The following SYNE2 variants were observed in gnomAD, a reference collection of about 807,000 sequenced individuals.
SYNE2 encodes spectrin repeat containing nuclear envelope protein 2.
A neutral mutation model predicts 856.3 loss-of-function variants in SYNE2; 431 were observed. That is an observed-to-expected ratio of 0.50 (90% CI 0.47 to 0.55). SYNE2 has a LOEUF of 0.55. SYNE2 is among the 20% of genes least tolerant of loss of function. The pLI is 0.00. For synonymous variants in SYNE2, 2,923 were observed against 2,872.3 expected (o/e 1.02, Z -0.56); for missense variants, 8,129 against 8,023.2 (o/e 1.01, Z -0.50).
intron 2 of SYNE2, among the ~76,000 whole-genome samples, chr14:63,929,402 C>T (rs977270306): frequency 6.6e-6 from 1 of 152,096 alleles, no homozygotes; most frequent in African/African-American, 2.4e-5. Context: ...CATTGTAAAT[C>T]TAAAGAAGAA....
At chr14:64,055,822 A>G in intron 48 of SYNE2, 122 bp from the exon 49 acceptor site, 1 of 545,742 alleles carries the variant, frequency 1.8e-6, no homozygotes, top group Non-Finnish European at 3.0e-6. Flanking sequence ...TAAAACTTAA[A>G]GTATAATAAT....
At chr14:64,099,023 T>C (rs571527541) in intron 63 of SYNE2, 2 of 581,258 alleles carry the variant, frequency 3.4e-6, no homozygotes, top group East Asian at 3.2e-5. Flanking sequence ...GTGAGATGAA[T>C]GTAATTCAGA....
chr14:63,915,947 G>A (rs2095528747), intron 2 of SYNE2, among the ~76,000 whole-genome samples: 1 of 151,996 alleles, frequency 6.6e-6, no homozygotes, highest in Non-Finnish European at 1.5e-5. Flanking sequence ...GAGATGCAAT[G>A]TTTAATTTTA....
Position 64,016,485 on chromosome 14 carries a change from A to C in SYNE2, c.4741A>C (p.Lys1581Gln), listed in dbSNP as rs201113578. ...KKRIAEIEIV[K>Q]EEFNEHLEVV... ...ATCTTTTTTACAGATTGAAATTGTC[A>C]AAGAAGAATTTAATGAGCATTTAGA... is the stretch of plus-strand genomic sequence containing the variant. The change falls in exon 33 of 116, where the codon AAA (lysine) becomes CAA (glutamine). Residue 1581 changes from lysine (K) to glutamine (Q), a missense_variant. Physicochemically the swap from Lys to Gln is moderately conservative, Grantham distance 53 (BLOSUM62 1). Transcript: ENST00000555002. 5 of 1,588,384 alleles carry C rather than the reference A, an allele frequency of 3.1e-6. No homozygotes were observed. Among genetic ancestry groups the C allele is most frequent in the African/African-American group, 1.3e-5 (1 of 74,082 alleles).
intron 70 of SYNE2, among the ~76,000 whole-genome samples, chr14:64,122,862 G>A (rs977724646): frequency 6.6e-6 from 1 of 152,078 alleles, no homozygotes; most frequent in Non-Finnish European, 1.5e-5. Context: ...CAGCACTTTG[G>A]GAGGCTGAGG....
At chr14:64,093,326 T>C (rs779384999) in intron 60 of SYNE2, 23 bp from the exon 61 acceptor site, 2 of 1,613,206 alleles carry the variant, frequency 1.2e-6, no homozygotes, top group Non-Finnish European at 1.7e-6. Flanking sequence ...CAAAGATTCT[T>C]TTTTGTGGGG....
chr14:64,221,494 T>A (rs754592383), intron 111 of SYNE2, 82 bp from the exon 112 acceptor site: 1 of 1,613,770 alleles, frequency 6.2e-7, no homozygotes, highest in Non-Finnish European at 8.5e-7. Flanking sequence ...TGTGATGGAT[T>A]GGAAGCAGTA....
intron 1 of SYNE2, among the ~76,000 whole-genome samples, chr14:63,869,060 G>T (rs1209467943): frequency 6.6e-6 from 1 of 152,152 alleles, no homozygotes; most frequent in African/African-American, 2.4e-5. Context: ...TAGAACTTGA[G>T]AAATAAAATG....
chr14:64,178,917 AT>A (rs1417602607), intron 96 of SYNE2, among the ~76,000 whole-genome samples: 3 of 151,898 alleles, frequency 2.0e-5, no homozygotes, highest in African/African-American at 7.3e-5. Context: ...ACAGCAAAAA[AT>A]TTTTTTTAAT....
intron 60 of SYNE2, among the ~76,000 whole-genome samples, chr14:64,092,516 A>G (rs993787607): frequency 2.0e-5 from 3 of 152,232 alleles, no homozygotes; most frequent in Non-Finnish European, 4.4e-5. Context: ...CAGTGAACAT[A>G]GTTATTCATT....
rs1158323994 is a variant in SYNE2 at position 64,081,591 on chromosome 14, T to G, written c.11484+11T>G. ...GCTAGCACTGTGCAGGTAAGTGTTC[T>G]TCCAGGTTTTCTGCCACTCATAGCA... is the stretch of plus-strand genomic sequence containing the variant. On this transcript the variant is annotated intron_variant, in intron 57 of 115. Coordinates refer to ENST00000555002, the MANE Select transcript of SYNE2 (RefSeq NM_182914.3). The G allele has an allele frequency of 6.2e-7, 1 of 1,613,756 alleles. No individual in the cohort carries two copies. The highest frequency in any genetic ancestry group is 1.1e-5 in the South Asian group (1 of 91,068).
rs773784466 is a variant in SYNE2 at position 63,997,308 on chromosome 14, A to T, written c.3160A>T (p.Ile1054Phe). ...ATTTTGATTCCTTTCTAGGGGGACC[A>T]TCACCACATCTGAGAATAGAGGAGG... ...AGGTSKNEGT[I>F]TTSENRGGDP... Residue 1054 changes from isoleucine (I) to phenylalanine (F), a missense_variant, in exon 25 of 116, where the codon ATC becomes TTC. Transcript: ENST00000555002. 10 of 1,613,238 alleles carry T rather than the reference A, an allele frequency of 6.2e-6. No homozygotes were observed. In the African/African-American group the frequency reaches 1.1e-4, roughly 17 times the overall value.
In SYNE2 at chr14:64,146,120, T is replaced by A. The variant is rs372669597; in HGVS notation, c.15536T>A (p.Ile5179Lys). The A allele has an allele frequency of 1.4e-5, 23 of 1,605,356 alleles. No homozygotes were observed. The highest frequency in any genetic ancestry group is 2.2e-5 in the South Asian group (2 of 89,980). Residue 5179 changes from isoleucine to lysine, a missense_variant, in exon 84 of 116, where the codon ATA becomes AAA. Physicochemically the swap from Ile to Lys is moderately radical, Grantham distance 102. Transcript: ENST00000555002. ...LESITESENKIQILNNWLEAQ... is the reference protein window; with the variant it reads ...LESITESENKKQILNNWLEAQ... ...AGTATCACTGAGAGTGAAAATAAAA[T>A]ACAGATCTTGAACAACTGGCTGGAA...
In SYNE2 at chr14:63,949,862, A is replaced by G. The variant is rs761204935; in HGVS notation, c.446A>G (p.Asn149Ser). The change falls in exon 7 of 116, where the codon AAT becomes AGT. Residue 149 changes from asparagine to serine, a missense_variant. Around this residue, in one of 3 missense-constraint regions of SYNE2, gnomAD observed 2,422 missense variants for 2,357.4 expected, o/e 1.03. Coordinates refer to ENST00000555002, the MANE Select transcript of SYNE2 (RefSeq NM_182914.3). ...GCCCAGACTCTTTCTTGCAATTACA[A>G]TCAGCCTTCCCTGGATGATGTGAGT... ...KLAQTLSCNY[N>S]QPSLDDVSVV... The G allele has an allele frequency of 6.8e-6, 11 of 1,613,994 alleles. No individual in the cohort carries two copies. The highest frequency in any genetic ancestry group is 2.7e-5 in the African/African-American group (2 of 74,890).
Position 64,143,894 on chromosome 14 carries a change from C to G in SYNE2, c.15429C>G (p.His5143Gln). 1.2e-6 allele frequency: 2 copies of G among 1,614,130 alleles called. No homozygotes were observed. The highest frequency in any genetic ancestry group is 8.5e-7 in the Non-Finnish European group (1 of 1,180,028). ...KRYERTEFAEHLGEMNRQWHR... is the reference protein window; with the variant it reads ...KRYERTEFAEQLGEMNRQWHR... ...ATGAAAGAACGGAGTTTGCAGAGCA[C>G]CTGGGGGAGATGAACCGCCAGTGGC... Residue 5143 changes from histidine (H) to glutamine (Q), a missense_variant, in exon 83 of 116, where the codon CAC becomes CAG. This residue lies in a region of SYNE2 where 5,410 missense variants were observed against 5,284.8 expected (regional missense o/e 1.02). Transcript: ENST00000555002.
chr14:64,192,397 C>A (rs764040518), intron 99 of SYNE2, among the ~76,000 whole-genome samples: 1 of 151,986 alleles, frequency 6.6e-6, no homozygotes, highest in Non-Finnish European at 1.5e-5. Context: ...GAATGACAGT[C>A]CATTTTTAAT....
rs532834886 is a variant in SYNE2, at chr14:64,101,586, G to A, written c.12382-346G>A. On this transcript the variant is annotated intron_variant, in intron 63 of 115. Coordinates refer to ENST00000555002, the MANE Select transcript of SYNE2 (RefSeq NM_182914.3). The stretch of plus-strand genomic sequence containing the variant: ...GCCTCCCAAAGGGCTGGGTTTATGG[G>A]TGTGAGTCACAGTGCCTGGCCTCAA... 3.3e-5 allele frequency among the ~76,000 whole-genome samples: 5 copies of A among 152,240 alleles called. No homozygotes were observed. The South Asian group carries it at 1.0e-3, about 32-fold the overall frequency.
At chr14:64,179,979 T>G (rs75693516) in intron 96 of SYNE2, among the ~76,000 whole-genome samples, 2,154 of 152,336 alleles carry the variant, frequency 0.014, 47 homozygotes, top group African/African-American at 0.049. Flanking sequence ...CGTGCTTACA[T>G]TCTCTTCAAA....
chr14:64,151,545 A>G (rs2098244309), intron 84 of SYNE2, among the ~76,000 whole-genome samples: 1 of 149,298 alleles, frequency 6.7e-6, no homozygotes, highest in South Asian at 2.1e-4. Context: ...ATCCTTAGGC[A>G]AAGCAATTTT....
Sources: gnomAD v4.1 joint callset for allele counts (sites outside exome capture counted in the v4.1 genomes callset) on GRCh38, gnomAD v4.1.1 for gene constraint, gnomAD v4.1.1 regional missense constraint, MANE v1.5 for transcripts, NCBI Gene and HGNC (gene_info 2026-07-23, HGNC 2026-07-21) for gene names.